The following CASR variants were observed in gnomAD, a reference collection of about 807,000 sequenced individuals.
CASR encodes calcium sensing receptor.
A neutral mutation model predicts 69.1 loss-of-function variants in CASR; 23 were observed. The ratio of observed to expected loss-of-function variants is 0.33; its 90% CI spans 0.24 to 0.47. The LOEUF (loss-of-function observed/expected upper bound fraction) is 0.47. Ranked by LOEUF, CASR falls within the 20% of genes least tolerant of loss-of-function variation. CASR has a pLI of 1.00. For synonymous variants in CASR, 541 were observed against 544.7 expected, an observed-to-expected ratio of 0.99 and a Z score of 0.10; for missense variants, 924 against 1,356.1, an observed-to-expected ratio of 0.68 and a Z score of 5.00.
intron 1 of CASR, among the ~76,000 whole-genome samples, chr3:122,238,527 T>A (rs1462700702): frequency 6.6e-6 from 1 of 152,200 alleles, no homozygotes; most frequent in Non-Finnish European, 1.5e-5. Flanking sequence ...TTCCTAGTGC[T>A]GGGCTAGGCT....
chr3:122,283,632 A>C, intron 6 of CASR, 55 bp from the exon 7 acceptor site: 1 of 1,425,222 alleles, frequency 7.0e-7, no homozygotes, highest in Non-Finnish European at 9.9e-7. Context: ...ATGTACACTC[A>C]CACATTTTAG....
chr3:122,263,136 G>A (rs935692310), intron 4 of CASR, among the ~76,000 whole-genome samples: 1 of 152,142 alleles, frequency 6.6e-6, no homozygotes, highest in African/African-American at 2.4e-5. Flanking sequence ...TCTTGCATAT[G>A]TGCCTTATTT....
chr3:122,243,033 T>C (rs2877615), intron 1 of CASR, among the ~76,000 whole-genome samples: 130,193 of 152,200 alleles, frequency 0.86, 56,098 homozygotes, highest in Admixed American at 0.89. Context: ...TCAAAATGGA[T>C]TAGATACTTA....
chr3:122,200,706 G>C (rs566848716), intron 1 of CASR, among the ~76,000 whole-genome samples: 25 of 152,240 alleles, frequency 1.6e-4, no homozygotes, highest in African/African-American at 6.0e-4. Flanking sequence ...ATTTTTGTAT[G>C]ATTCTTTGGC....
At chr3:122,283,440 T>C (rs1576876760) in intron 6 of CASR, among the ~76,000 whole-genome samples, 1 of 152,212 alleles carries the variant, frequency 6.6e-6, no homozygotes, top group Non-Finnish European at 1.5e-5. Context: ...GCCTCACCCA[T>C]GTCATGTGCA....
chr3:122,275,120 C>T (rs985226279), intron 4 of CASR, among the ~76,000 whole-genome samples: 2 of 152,124 alleles, frequency 1.3e-5, no homozygotes, highest in African/African-American at 2.4e-5. Flanking sequence ...TAGGGTCGTG[C>T]CTCAATGGTA....
intron 1 of CASR, chr3:122,184,543 AC>A: frequency 6.4e-6 from 1 of 156,332 alleles, no homozygotes; most frequent in Non-Finnish European, 1.4e-5. Context: ...GGACCGGGGA[AC>A]CCAAGGAGGG....
chr3:122,194,510 G>C (rs1186190382), intron 1 of CASR, among the ~76,000 whole-genome samples: 1 of 151,638 alleles, frequency 6.6e-6, no homozygotes, highest in Non-Finnish European at 1.5e-5. Flanking sequence ...CAACAAGAAG[G>C]CAAAAAAAAT....
chr3:122,239,072 T>C (rs1004466851), intron 1 of CASR, among the ~76,000 whole-genome samples: 6 of 152,084 alleles, frequency 3.9e-5, no homozygotes, highest in African/African-American at 1.4e-4. Flanking sequence ...GCTGGTACCT[T>C]AGGTACCAGT....
chr3:122,231,012 G>A (rs565288640), intron 1 of CASR, among the ~76,000 whole-genome samples: 1 of 152,306 alleles, frequency 6.6e-6, no homozygotes, highest in Non-Finnish European at 1.5e-5. Context: ...ATCTTCTTGT[G>A]TGTTCTGCTT....
chr3:122,217,432 G>A (rs1199279801), intron 1 of CASR, among the ~76,000 whole-genome samples: 1 of 152,120 alleles, frequency 6.6e-6, no homozygotes, highest in African/African-American at 2.4e-5. Flanking sequence ...GTATGTAGCT[G>A]ATGGTACCCA....
chr3:122,281,017 C>CTA (rs2074881352), intron 5 of CASR, among the ~76,000 whole-genome samples: 1 of 152,086 alleles, frequency 6.6e-6, no homozygotes, highest in Admixed American at 6.5e-5. Flanking sequence ...TAATAAATTC[C>CTA]TAGAATGAAT....
At chr3:122,242,180 G>C (rs576374032) in intron 1 of CASR, among the ~76,000 whole-genome samples, 1 of 152,164 alleles carries the variant, frequency 6.6e-6, no homozygotes, top group East Asian at 1.9e-4. Flanking sequence ...TTCCTAGCTA[G>C]AGCAATCAGA....
chr3:122,262,378 C>G lies in CASR; in HGVS notation c.1343C>G (p.Ser448Cys). 6.2e-7 allele frequency: 1 copy of G among 1,613,728 alleles called. No homozygotes were observed. Among genetic ancestry groups the G allele is most frequent in the African/African-American group, 1.3e-5 (1 of 75,044 alleles). Residue 448 changes from serine (S) to cysteine (C), a missense_variant, in exon 4 of 7, where the codon TCC becomes TGC. By Grantham distance (112) the Ser-to-Cys change is moderately radical. Coordinates refer to ENST00000639785, the MANE Select transcript of CASR (RefSeq NM_000388.4). Reference sequence around the variant, plus strand: ...GGGAGAGGGCTCTTCACCAATGGCTCCTGTGCAGACATCAAGAAAGTTGAG... The same window carrying G: ...GGGAGAGGGCTCTTCACCAATGGCTGCTGTGCAGACATCAAGAAAGTTGAG... ...LPGRGLFTNG[S>C]CADIKKVEAW...
intron 2 of CASR, among the ~76,000 whole-genome samples, 180 bp from the exon 3 acceptor site, chr3:122,256,901 G>A (rs188785517): frequency 7.7e-4 from 118 of 152,312 alleles, no homozygotes; most frequent in African/African-American, 2.5e-3. Flanking sequence ...GATTACAGGC[G>A]TGAGCCACCA....
At chr3:122,262,817 A>G (rs933702079) in intron 4 of CASR, among the ~76,000 whole-genome samples, 3 of 152,222 alleles carry the variant, frequency 2.0e-5, no homozygotes, top group African/African-American at 7.2e-5. Flanking sequence ...TAAAGCTAGT[A>G]TTATTGTGTT....
chr3:122,287,760 G>A lies in CASR; in HGVS notation c.*2569G>A, dbSNP rs1030092136. On this transcript the variant is annotated 3_prime_UTR_variant, in exon 7 of 7. Coordinates refer to ENST00000639785, the MANE Select transcript of CASR (RefSeq NM_000388.4). ...CACGCATGCCTCACTGTCCTAACCA[G>A]TCGGTCCCTGTGGGGCCTGCTAGCT... 2 of 152,266 alleles carry A rather than the reference G, an allele frequency of 1.3e-5. No individual in the cohort carries two copies. Among genetic ancestry groups the A allele is most frequent in the African/African-American group, 4.8e-5 (2 of 41,456 alleles). 9.4% of individuals were successfully genotyped at this position (152,266 alleles called of 1,614,324 possible).
chr3:122,209,628 C>T (rs1003061002), intron 1 of CASR, among the ~76,000 whole-genome samples: 6 of 152,096 alleles, frequency 3.9e-5, no homozygotes, highest in African/African-American at 9.7e-5. Context: ...AATTATCTCC[C>T]ACAAGGTCCC....
chr3:122,205,297 G>T (rs1322605642), intron 1 of CASR, among the ~76,000 whole-genome samples: 1 of 152,036 alleles, frequency 6.6e-6, no homozygotes, highest in African/African-American at 2.4e-5. Flanking sequence ...CATATGGGAA[G>T]TTACCAGTTT....
Sources: gnomAD v4.1 joint callset for allele counts (sites outside exome capture counted in the v4.1 genomes callset) on GRCh38, gnomAD v4.1.1 for gene constraint, MANE v1.5 for transcripts, NCBI Gene and HGNC (gene_info 2026-07-23, HGNC 2026-07-21) for gene names.